The following MAGI2 variants were observed in gnomAD, a reference collection of about 807,000 sequenced individuals.
MAGI2 encodes membrane-associated guanylate kinase, WW and PDZ domain-containing protein 2.
A neutral mutation model predicts 133.3 loss-of-function variants in MAGI2; 35 were observed. The ratio of observed to expected loss-of-function variants is 0.26; its 90% CI spans 0.20 to 0.35. The LOEUF (loss-of-function observed/expected upper bound fraction) is 0.35. Among genes scored for constraint, MAGI2 ranks in the 10% least tolerant of loss-of-function variants. The pLI, the probability that MAGI2 is intolerant of heterozygous loss-of-function variation, is 1.00. For missense variants in MAGI2, 1,636 were observed against 1,863.4 expected, an observed-to-expected ratio of 0.88 and a Z score of 2.25; for synonymous variants, 729 against 710.6, an observed-to-expected ratio of 1.03 and a Z score of -0.41.
intron 9 of MAGI2, among the ~76,000 whole-genome samples, chr7:78,260,969 A>G (rs1793460715): frequency 6.6e-6 from 1 of 152,240 alleles, no homozygotes; most frequent in South Asian, 2.1e-4. Context: ...CATTGCTTTA[A>G]TTAGAGTTAT....
At chr7:79,184,154 CA>C (rs972405706) in intron 1 of MAGI2, among the ~76,000 whole-genome samples, 1 of 151,420 alleles carries the variant, frequency 6.6e-6, no homozygotes, top group Non-Finnish European at 1.5e-5. Flanking sequence ...GGTTTCACTA[CA>C]AAAAATGATA....
intron 1 of MAGI2, among the ~76,000 whole-genome samples, chr7:79,195,920 TGTAGAA>T (rs1313616983): frequency 2.0e-5 from 3 of 151,852 alleles, no homozygotes; most frequent in Non-Finnish European, 4.4e-5. Flanking sequence ...AAGTTGATCT[TGTAGAA>T]GTAGAGAGTA....
chr7:79,198,922 G>A (rs921266616), intron 1 of MAGI2, among the ~76,000 whole-genome samples: 1 of 151,742 alleles, frequency 6.6e-6, no homozygotes, highest in Non-Finnish European at 1.5e-5. Flanking sequence ...TAAAAGAGAT[G>A]CAGGACCATT....
At chr7:79,245,099 T>C (rs1832726199) in intron 1 of MAGI2, among the ~76,000 whole-genome samples, 1 of 152,204 alleles carries the variant, frequency 6.6e-6, no homozygotes, top group Non-Finnish European at 1.5e-5. Flanking sequence ...AAAGAGCACT[T>C]GGTCCCTGAA....
At position 78,346,324 on chromosome 7, in the gene MAGI2, A is replaced by T. The variant is rs577615268; in HGVS notation, c.1104-281T>A. 2.0e-5 allele frequency among the ~76,000 whole-genome samples: 3 copies of T among 152,350 alleles called. No homozygotes were observed. The South Asian group carries it at 6.2e-4, about 32-fold the overall frequency. On this transcript the variant is annotated intron_variant, in intron 7 of 21. Coordinates refer to ENST00000354212, the MANE Select transcript of MAGI2 (RefSeq NM_012301.4). ...AGAATGTGCACTTGCTTTCTGGTCT[A>T]CTGTGTTCATTTGAGATGAGTTTAA...
At chr7:79,380,706 CTTAT>C in intron 1 of MAGI2, among the ~76,000 whole-genome samples, 1 of 151,758 alleles carries the variant, frequency 6.6e-6, no homozygotes, top group South Asian at 2.1e-4. Flanking sequence ...TCTGAATTGT[CTTAT>C]TTGTCACTAA....
intron 6 of MAGI2, among the ~76,000 whole-genome samples, chr7:78,447,479 A>G (rs1315188581): frequency 6.6e-6 from 1 of 152,052 alleles, no homozygotes; most frequent in Non-Finnish European, 1.5e-5. Flanking sequence ...ATGTCTATGA[A>G]GAGTTTAGCA....
At chr7:78,981,051 T>G (rs2116175137) in intron 2 of MAGI2, among the ~76,000 whole-genome samples, 1 of 151,822 alleles carries the variant, frequency 6.6e-6, no homozygotes, top group African/African-American at 2.4e-5. Context: ...TTTAAACTCT[T>G]ATTGCCTTTA....
intron 1 of MAGI2, among the ~76,000 whole-genome samples, chr7:79,297,043 AT>A: frequency 6.6e-6 from 1 of 152,358 alleles, no homozygotes; most frequent in South Asian, 2.1e-4. Context: ...AAAACAAAAA[AT>A]AACCCTTAAG....
intron 1 of MAGI2, among the ~76,000 whole-genome samples, chr7:79,079,998 T>C (rs1815901091): frequency 6.6e-6 from 1 of 152,096 alleles, no homozygotes; most frequent in Admixed American, 6.6e-5. Context: ...GCACTAATGA[T>C]TTATCAACAG....
chr7:78,514,378 C>T (rs960143971), intron 4 of MAGI2, among the ~76,000 whole-genome samples: 16 of 151,926 alleles, frequency 1.1e-4, no homozygotes, highest in African/African-American at 3.6e-4. Context: ...GAACATTTTA[C>T]AATTAGGGCA....
chr7:78,549,562 T>C (rs879691825), intron 3 of MAGI2, among the ~76,000 whole-genome samples: 4 of 152,116 alleles, frequency 2.6e-5, no homozygotes, highest in African/African-American at 9.7e-5. Flanking sequence ...TAGTGCTCCA[T>C]GGAGTGCTCT....
chr7:78,639,719 C>G (rs1584932458), intron 2 of MAGI2, among the ~76,000 whole-genome samples: 1 of 152,232 alleles, frequency 6.6e-6, no homozygotes, highest in East Asian at 1.9e-4. Flanking sequence ...CGTCTGTGAG[C>G]ATTCATATGT....
chr7:79,357,398 C>G (rs2129117854), intron 1 of MAGI2, among the ~76,000 whole-genome samples: 1 of 151,928 alleles, frequency 6.6e-6, no homozygotes, highest in East Asian at 1.9e-4. Context: ...TGCAATTATG[C>G]TGACCCTCAG....
chr7:78,216,598 A>C (rs904132700), intron 10 of MAGI2, among the ~76,000 whole-genome samples: 1 of 151,930 alleles, frequency 6.6e-6, no homozygotes, highest in Non-Finnish European at 1.5e-5. Context: ...TCTCCCTCTT[A>C]CCACAAGGTC....
chr7:79,376,841 G>GTGTGTGTGTGTGTGTGT lies in MAGI2; in HGVS notation c.301+76178_301+76179insACACACACACACACACA, dbSNP rs1563166210. Among the ~76,000 whole-genome samples, 225 of 147,570 alleles carry GTGTGTGTGTGTGTGTGT rather than the reference G, an allele frequency of 1.5e-3. 1 individual carries two copies. Among genetic ancestry groups the GTGTGTGTGTGTGTGTGT allele is most frequent in the African/African-American group, 5.4e-3 (208 of 38,282 alleles). On this transcript the variant is annotated intron_variant, in intron 1 of 21. Coordinates refer to ENST00000354212, the MANE Select transcript of MAGI2 (RefSeq NM_012301.4). ...TTGTGTGTGTGTGTGTGTGTGTGTG[G>GTGTGTGTGTGTGTGTGT]GTGTATGGCGTGTGTATTCAACACA...
intron 20 of MAGI2, among the ~76,000 whole-genome samples, chr7:78,118,038 T>C (rs925262408): frequency 1.3e-5 from 2 of 152,090 alleles, no homozygotes; most frequent in East Asian, 1.9e-4. Context: ...TAGACAGAAA[T>C]AGACCTGCAT....
At chr7:79,249,815 T>G (rs1833097105) in intron 1 of MAGI2, among the ~76,000 whole-genome samples, 1 of 152,162 alleles carries the variant, frequency 6.6e-6, no homozygotes, top group Admixed American at 6.5e-5. Context: ...AGTATTACCC[T>G]GATACTGAAT....
chr7:79,192,672 T>A (rs1220866127), intron 1 of MAGI2, among the ~76,000 whole-genome samples: 1 of 151,774 alleles, frequency 6.6e-6, no homozygotes, highest in Non-Finnish European at 1.5e-5. Flanking sequence ...GAAGGTTTTT[T>A]TGGGGGTGAG....
Sources: allele counts gnomAD v4.1 joint callset (sites outside exome capture counted in the v4.1 genomes callset), GRCh38; gene constraint gnomAD v4.1.1; transcripts MANE v1.5; gene names NCBI Gene and HGNC (gene_info 2026-07-23, HGNC 2026-07-21).